EPHA5: variants seen among roughly 807,000 people sequenced by gnomAD.
The protein encoded by EPHA5 is EPH receptor A5, also known as ephrin type-A receptor 5.
In EPHA5, 60 loss-of-function variants were observed where a neutral mutation model predicts 105.0. That is an observed-to-expected ratio of 0.57 (90% CI 0.46 to 0.71). The LOEUF (loss-of-function observed/expected upper bound fraction) is 0.71, where lower values mean the gene tolerates loss of function less well. Ranked by LOEUF, EPHA5 falls within the 30% of genes least tolerant of loss-of-function variation. EPHA5 has a pLI of 0.00. For synonymous variants in EPHA5, 513 were observed against 449.1 expected, an observed-to-expected ratio of 1.14 and a Z score of -1.80; for missense variants, 1,218 against 1,274.7, an observed-to-expected ratio of 0.96 and a Z score of 0.68.
chr4:65,560,437 T>A (rs547851501), intron 3 of EPHA5, among the ~76,000 whole-genome samples: 1 of 152,256 alleles, frequency 6.6e-6, no homozygotes, highest in Non-Finnish European at 1.5e-5. Context: ...TTCTCTGTAT[T>A]GTTCTGAAGA....
intron 2 of EPHA5, among the ~76,000 whole-genome samples, chr4:65,617,988 TTG>T (rs1222596628): frequency 1.1e-4 from 17 of 152,252 alleles, no homozygotes; most frequent in African/African-American, 3.8e-4. Flanking sequence ...TCATGTGAGA[TTG>T]AGGCTTGATC....
intron 13 of EPHA5, among the ~76,000 whole-genome samples, chr4:65,349,409 T>C (rs1722607710): frequency 2.6e-5 from 4 of 152,154 alleles, no homozygotes; most frequent in African/African-American, 9.6e-5. Flanking sequence ...GGTGAAATTA[T>C]TATTCTCTTA....
chr4:65,371,142 G>A (rs1308557252), intron 8 of EPHA5, among the ~76,000 whole-genome samples: 1 of 151,676 alleles, frequency 6.6e-6, no homozygotes, highest in South Asian at 2.1e-4. Flanking sequence ...TTCATATCAC[G>A]ATTTTAATGA....
chr4:65,448,790 C>T (rs1428414072), intron 5 of EPHA5, among the ~76,000 whole-genome samples: 2 of 152,080 alleles, frequency 1.3e-5, no homozygotes, highest in African/African-American at 2.4e-5. Flanking sequence ...TGTCATTACT[C>T]ATAAGAAAAT....
chr4:65,507,282 G>A (rs1010449695), intron 3 of EPHA5, among the ~76,000 whole-genome samples: 1 of 152,094 alleles, frequency 6.6e-6, no homozygotes, highest in Non-Finnish European at 1.5e-5. Context: ...TTGTAGTATA[G>A]TTTGAAGTCA....
chr4:65,473,085 A>G (rs1729446488), intron 5 of EPHA5, among the ~76,000 whole-genome samples: 1 of 152,212 alleles, frequency 6.6e-6, no homozygotes, highest in Admixed American at 6.5e-5. Context: ...GCTAAAGCAT[A>G]GCAAGAATGA....
chr4:65,655,618 C>T (rs866251720), intron 1 of EPHA5, among the ~76,000 whole-genome samples: 7 of 152,164 alleles, frequency 4.6e-5, no homozygotes, highest in South Asian at 2.1e-4. Context: ...TAAGTACTTC[C>T]GTTCTAAGCA....
In EPHA5 at chr4:65,353,113, A is replaced by G. The variant is rs778498986; in HGVS notation, c.2174-10T>C. 3.0e-5 allele frequency: 46 copies of G among 1,541,686 alleles called. No homozygotes were observed. Among genetic ancestry groups the G allele is most frequent in the Non-Finnish European group, 3.9e-5 (45 of 1,145,086 alleles). ...ATCATCACTGGTTTACCTGAAAAGAAAACAGAGTGATATAACCTGCTGCTC... is the reference window on the plus strand; with the variant it reads ...ATCATCACTGGTTTACCTGAAAAGAGAACAGAGTGATATAACCTGCTGCTC... On this transcript the variant is annotated splice_polypyrimidine_tract_variant and intron_variant, in intron 11 of 16. Transcript: ENST00000613740.
At chr4:65,350,546 T>C (rs925566894) in intron 13 of EPHA5, among the ~76,000 whole-genome samples, 4 of 152,104 alleles carry the variant, frequency 2.6e-5, no homozygotes, top group South Asian at 2.1e-4. Context: ...GTTTTAGACA[T>C]TGAGGATATT....
intron 4 of EPHA5, 25 bp downstream of exon 4, chr4:65,495,363 A>C (rs1339406819): frequency 6.2e-7 from 1 of 1,604,618 alleles, no homozygotes; most frequent in Non-Finnish European, 8.5e-7. Context: ...AGTTAGCACC[A>C]CCAAATATCC....
chr4:65,385,332 C>T (rs7668692), intron 8 of EPHA5, among the ~76,000 whole-genome samples: 1 of 151,758 alleles, frequency 6.6e-6, no homozygotes, highest in Non-Finnish European at 1.5e-5. Flanking sequence ...CAGCATGAAA[C>T]TTTTAAGGTG....
At chr4:65,590,879 A>T (rs4566704) in intron 3 of EPHA5, among the ~76,000 whole-genome samples, 88 of 151,928 alleles carry the variant, frequency 5.8e-4, no homozygotes, top group Non-Finnish European at 8.8e-4. Flanking sequence ...TACAATTAAA[A>T]GTACAGATAG....
intron 5 of EPHA5, among the ~76,000 whole-genome samples, chr4:65,428,553 C>T (rs1179832502): frequency 6.6e-6 from 1 of 152,042 alleles, no homozygotes; most frequent in African/African-American, 2.4e-5. Context: ...GATATATGAC[C>T]TCAGTAAAGT....
At chr4:65,371,848 G>A (rs1460766452) in intron 8 of EPHA5, among the ~76,000 whole-genome samples, 1 of 151,888 alleles carries the variant, frequency 6.6e-6, no homozygotes, top group Admixed American at 6.6e-5. Flanking sequence ...GATCACAATA[G>A]GGGAAGAAGT....
At chr4:65,364,895 A>T in intron 11 of EPHA5, 122 bp downstream of exon 11, 1 of 711,320 alleles carries the variant, frequency 1.4e-6, no homozygotes, top group Non-Finnish European at 2.1e-6. Context: ...AATACAGGAT[A>T]AACATTAATA....
chr4:65,541,659 C>G (rs1205674578), intron 3 of EPHA5, among the ~76,000 whole-genome samples: 1 of 151,808 alleles, frequency 6.6e-6, no homozygotes, highest in Non-Finnish European at 1.5e-5. Context: ...GTGGGAGAAT[C>G]TAACACCCCA....
intron 3 of EPHA5, among the ~76,000 whole-genome samples, chr4:65,593,509 T>C (rs1260580683): frequency 1.3e-5 from 2 of 152,186 alleles, no homozygotes; most frequent in African/African-American, 4.8e-5. Flanking sequence ...AGGAATGTGC[T>C]AAAATGTAGA....
intron 2 of EPHA5, among the ~76,000 whole-genome samples, chr4:65,630,983 G>A (rs1310613918): frequency 6.6e-6 from 1 of 152,032 alleles, no homozygotes; most frequent in Non-Finnish European, 1.5e-5. Flanking sequence ...TATCCTGACT[G>A]CTTAAGAGAA....
chr4:65,465,478 A>AAT (rs1728553427), intron 5 of EPHA5, among the ~76,000 whole-genome samples: 1 of 53,980 alleles, frequency 1.9e-5, no homozygotes, highest in African/African-American at 6.2e-5. Context: ...AAAGAAAGAA[A>AAT]GAAAGAAAGA....
Sources: allele counts gnomAD v4.1 joint callset (sites outside exome capture counted in the v4.1 genomes callset), GRCh38; gene constraint gnomAD v4.1.1; transcripts MANE v1.5; gene names NCBI Gene and HGNC (gene_info 2026-07-23, HGNC 2026-07-21).